Variants in GLIS3 observed in about 807,000 individuals in gnomAD.
GLIS3 encodes the protein zinc finger protein GLIS3.
In GLIS3, 53 loss-of-function variants were observed where a neutral mutation model predicts 78.6. The observed-to-expected ratio is 0.67, with a 90% CI of 0.54 to 0.85. The LOEUF (loss-of-function observed/expected upper bound fraction) is 0.85, where lower values mean the gene tolerates loss of function less well. GLIS3 is among the 40% of genes least tolerant of loss of function. GLIS3 has a pLI of 0.00. For synonymous variants in GLIS3, 684 were observed against 509.9 expected (o/e 1.34, Z -4.60); for missense variants, 1,703 against 1,231.1 (o/e 1.38, Z -5.74).
At chr9:4,411,622 T>C in the GLIS3 span, among the ~76,000 whole-genome samples, 1 of 152,178 alleles carries the variant, frequency 6.6e-6, no homozygotes, top group Non-Finnish European at 1.5e-5. Flanking sequence ...TGACCTAATT[T>C]TTAGAAAATC....
At chr9:3,840,798 A>C (rs900449103) in intron 9 of GLIS3, among the ~76,000 whole-genome samples, 8 of 152,218 alleles carry the variant, frequency 5.3e-5, no homozygotes, top group Admixed American at 3.3e-4. Flanking sequence ...TCTTGCTGCC[A>C]ACTTGCAGGC....
rs1563882143 is a variant in GLIS3 at position 4,276,564 on chromosome 9, G to GGGA, written c.388+9473_388+9474insTCC. On this transcript the variant is annotated intron_variant, in intron 2 of 10. Transcript: ENST00000381971. ...GACGGAAGGGGAGGGGAGGGGAGGG[G>GGGA]AGGGAAGAGAAGAAAGAAAATGCTA... is the stretch of plus-strand genomic sequence containing the variant. Among the ~76,000 whole-genome samples, 46 of 111,624 alleles carry GGGA rather than the reference G, an allele frequency of 4.1e-4. 3 individuals carry two copies. Among genetic ancestry groups the GGGA allele is most frequent in the African/African-American group, 1.3e-3 (40 of 30,582 alleles). 73.2% of individuals were successfully genotyped at this position (111,624 alleles called of 152,430 possible). A position where few individuals can be genotyped will look rare whatever the true frequency, so the allele number is the denominator to read the frequency against.
At chr9:4,483,337 G>C in the GLIS3 span, among the ~76,000 whole-genome samples, 1 of 152,216 alleles carries the variant, frequency 6.6e-6, no homozygotes. Context: ...CTGGACACAG[G>C]TGAATGGACT....
At chr9:4,322,899 G>A (rs1355076434) in intron 2 of GLIS3, among the ~76,000 whole-genome samples, 1 of 152,172 alleles carries the variant, frequency 6.6e-6, no homozygotes. Flanking sequence ...TTGCTGTGCA[G>A]AAGCTCTTTA....
the GLIS3 span, among the ~76,000 whole-genome samples, chr9:4,406,244 A>T: frequency 3.3e-5 from 5 of 152,200 alleles, no homozygotes; most frequent in South Asian, 1.0e-3. Flanking sequence ...TAAGAGAAAG[A>T]AAAAAAAGGG....
intron 2 of GLIS3, among the ~76,000 whole-genome samples, chr9:4,172,021 A>G (rs947900586): frequency 5.9e-5 from 9 of 152,174 alleles, no homozygotes; most frequent in African/African-American, 1.7e-4. Context: ...AACAATTAAC[A>G]TATCTGCTAA....
intron 2 of GLIS3, among the ~76,000 whole-genome samples, chr9:4,159,500 C>T (rs1279419582): frequency 1.3e-5 from 2 of 152,162 alleles, no homozygotes; most frequent in Non-Finnish European, 2.9e-5. Flanking sequence ...AGGTGGATCA[C>T]TTGAGGTGAG....
intron 2 of GLIS3, among the ~76,000 whole-genome samples, chr9:4,323,995 T>A (rs1047617076): frequency 3.3e-5 from 5 of 152,210 alleles, no homozygotes; most frequent in African/African-American, 1.2e-4. Flanking sequence ...AATTTTGATA[T>A]TAGGTCTGTT....
At chr9:4,011,756 CT>C (rs1822030585) in intron 4 of GLIS3, among the ~76,000 whole-genome samples, 1 of 152,180 alleles carries the variant, frequency 6.6e-6, no homozygotes, top group Admixed American at 6.5e-5. Context: ...AGACACCTTA[CT>C]CTGACACTTC....
intron 2 of GLIS3, among the ~76,000 whole-genome samples, chr9:4,338,023 G>GGTGTGTGTGTGTGT (rs1563937879): frequency 8.6e-6 from 1 of 115,804 alleles, no homozygotes. Context: ...GATTGGCAAG[G>GGTGTGTGTGTGTGT]CTGTGTGTGT....
chr9:4,316,883 T>G (rs1056239058), intron 2 of GLIS3, among the ~76,000 whole-genome samples: 1 of 152,114 alleles, frequency 6.6e-6, no homozygotes, highest in Admixed American at 6.6e-5. Context: ...AGAAGAAGTT[T>G]TTGTGACCAG....
intron 2 of GLIS3, among the ~76,000 whole-genome samples, chr9:4,154,423 T>C (rs12553519): frequency 0.21 from 32,639 of 151,884 alleles, 4,119 homozygotes; most frequent in African/African-American, 0.35. Context: ...TAAAAGAAAA[T>C]GTATTTGAAT....
At chr9:4,054,028 G>A (rs1825940344) in intron 4 of GLIS3, among the ~76,000 whole-genome samples, 1 of 152,194 alleles carries the variant, frequency 6.6e-6, no homozygotes, top group Non-Finnish European at 1.5e-5. Context: ...ATAGCTTCTT[G>A]CTATTTGAAT....
chr9:4,284,629 G>C (rs1039579131), intron 2 of GLIS3, among the ~76,000 whole-genome samples: 3 of 151,946 alleles, frequency 2.0e-5, no homozygotes, highest in East Asian at 1.9e-4. Flanking sequence ...AATAAATTAA[G>C]GCCTGGCACG....
At position 4,221,756 on chromosome 9, in the gene GLIS3, C is replaced by T. The variant is rs1021802804; in HGVS notation, c.388+64282G>A. On this transcript the variant is annotated intron_variant, in intron 2 of 10. Transcript: ENST00000381971. The stretch of plus-strand genomic sequence containing the variant: ...AAGGAGCAGAAATGGTGGAGAAAAG[C>T]ACCGTGTGCCTCCAATGAAAGAAAG... 3.9e-5 allele frequency among the ~76,000 whole-genome samples: 6 copies of T among 152,220 alleles called. No homozygotes were observed. In the East Asian group the frequency reaches 5.8e-4, roughly 15 times the overall value.
the GLIS3 span, among the ~76,000 whole-genome samples, chr9:4,363,580 A>C: frequency 6.6e-6 from 1 of 152,224 alleles, no homozygotes; most frequent in African/African-American, 2.4e-5. Context: ...AAATTCTGCA[A>C]TACATATTGC....
At chr9:4,215,642 T>C (rs1390660904) in intron 2 of GLIS3, among the ~76,000 whole-genome samples, 2 of 152,218 alleles carry the variant, frequency 1.3e-5, no homozygotes, top group African/African-American at 2.4e-5. Context: ...TATGATTCAA[T>C]TCCCATGCAA....
At chr9:3,988,165 T>G (rs1819925735) in intron 4 of GLIS3, among the ~76,000 whole-genome samples, 1 of 152,122 alleles carries the variant, frequency 6.6e-6, no homozygotes, top group East Asian at 1.9e-4. Flanking sequence ...ACTGTGAAGT[T>G]TATATTCAGA....
chr9:4,340,099 G>C (rs1220073016), intron 2 of GLIS3, among the ~76,000 whole-genome samples: 1 of 151,590 alleles, frequency 6.6e-6, no homozygotes, highest in African/African-American at 2.4e-5. Context: ...CTTAGCATGA[G>C]GTTGATATTC....
Sources: gnomAD v4.1 joint callset for allele counts (sites outside exome capture counted in the v4.1 genomes callset) on GRCh38, gnomAD v4.1.1 for gene constraint, MANE v1.5 for transcripts, NCBI Gene and HGNC (gene_info 2026-07-23, HGNC 2026-07-21) for gene names.